The following CTIF variants were observed in gnomAD, a reference collection of about 807,000 sequenced individuals.
CTIF encodes cap binding complex dependent translation initiation factor, also known as CBP80/20-dependent translation initiation factor.
Under a neutral mutation model 66.0 loss-of-function variants are expected in CTIF, and 21 were observed. The observed-to-expected ratio is 0.32, with a 90% confidence interval of 0.23 to 0.46. The LOEUF (loss-of-function observed/expected upper bound fraction) is 0.46, where lower values mean the gene tolerates loss of function less well. CTIF is among the 20% of genes least tolerant of loss of function. The pLI is 1.00. For missense variants in CTIF, 739 were observed against 812.7 expected, an observed-to-expected ratio of 0.91 and a Z score of 1.10; for synonymous variants, 345 against 326.4, an observed-to-expected ratio of 1.06 and a Z score of -0.62.
intron 3 of CTIF, among the ~76,000 whole-genome samples, chr18:48,641,662 C>T (rs1206052241): frequency 6.6e-6 from 1 of 152,246 alleles, no homozygotes; most frequent in East Asian, 1.9e-4. Flanking sequence ...CCAGGAGTGA[C>T]ACTGGCTCCA....
chr18:48,723,543 T>A (rs2092360429), intron 7 of CTIF, among the ~76,000 whole-genome samples: 4 of 152,182 alleles, frequency 2.6e-5, no homozygotes, highest in Admixed American at 2.0e-4. Flanking sequence ...CCCCACTCGA[T>A]GAGCACCCAG....
intron 9 of CTIF, among the ~76,000 whole-genome samples, chr18:48,807,861 C>T (rs890056348): frequency 6.6e-6 from 1 of 152,142 alleles, no homozygotes; most frequent in African/African-American, 2.4e-5. Flanking sequence ...GGATTACAGA[C>T]GTGAGCTACT....
chr18:48,587,158 C>T (rs549134148), intron 1 of CTIF, among the ~76,000 whole-genome samples: 1 of 151,518 alleles, frequency 6.6e-6, no homozygotes, highest in South Asian at 2.1e-4. Flanking sequence ...CTCAGCTCAC[C>T]ACAACCTCCA....
intron 1 of CTIF, among the ~76,000 whole-genome samples, chr18:48,594,586 C>A (rs528183414): frequency 7.2e-5 from 11 of 152,270 alleles, no homozygotes; most frequent in African/African-American, 2.6e-4. Flanking sequence ...TTCCAACCCT[C>A]CCTCCATCCC....
intron 10 of CTIF, among the ~76,000 whole-genome samples, chr18:48,841,487 A>G (rs578169466): frequency 6.6e-6 from 1 of 152,298 alleles, no homozygotes; most frequent in Non-Finnish European, 1.5e-5. Context: ...AGGGAAGCTT[A>G]CCCAGAGGAG....
At chr18:48,590,304 C>T (rs1200842256) in intron 1 of CTIF, among the ~76,000 whole-genome samples, 1 of 152,026 alleles carries the variant, frequency 6.6e-6, no homozygotes, top group African/African-American at 2.4e-5. Context: ...ACAGCAGGGC[C>T]TGCTGTGCAG....
At chr18:48,584,952 A>G (rs2089734778) in intron 1 of CTIF, among the ~76,000 whole-genome samples, 1 of 152,228 alleles carries the variant, frequency 6.6e-6, no homozygotes, top group Non-Finnish European at 1.5e-5. Context: ...AGATCCAAGT[A>G]AAGGTGATTT....
intron 9 of CTIF, among the ~76,000 whole-genome samples, chr18:48,801,885 A>G (rs1452076910): frequency 2.0e-5 from 3 of 152,240 alleles, no homozygotes; most frequent in Non-Finnish European, 4.4e-5. Flanking sequence ...AAGCTGGATA[A>G]GCTGAATTCT....
rs115846274 is a variant in CTIF at position 48,709,927 on chromosome 18, A to G, written c.508-1692A>G. 7.1e-3 allele frequency among the ~76,000 whole-genome samples: 1,080 copies of G among 152,294 alleles called. 13 individuals carry two copies. Among genetic ancestry groups the G allele is most frequent in the African/African-American group, 0.025 (1,038 of 41,562 alleles). On this transcript the variant is annotated intron_variant, in intron 6 of 11. Coordinates refer to ENST00000256413, the MANE Select transcript of CTIF (RefSeq NM_014772.3). Reference sequence around the variant, plus strand: ...GAGGAAAGGATTGTTATTAAAATGTATTTTGAAATGTGTTGCTCCCTCCCT... The same window carrying G: ...GAGGAAAGGATTGTTATTAAAATGTGTTTTGAAATGTGTTGCTCCCTCCCT...
chr18:48,688,185 G>A (rs1363315643), intron 6 of CTIF: 1 of 152,296 alleles, frequency 6.6e-6, no homozygotes, highest in Non-Finnish European at 1.5e-5. Flanking sequence ...GCACGGTTTT[G>A]TCAGCTGCTC....
chr18:48,789,570 G>A (rs2067747426), intron 9 of CTIF, among the ~76,000 whole-genome samples: 1 of 152,180 alleles, frequency 6.6e-6, no homozygotes, highest in East Asian at 1.9e-4. Flanking sequence ...ACAGTCAAGT[G>A]TAGATCAGTG....
chr18:48,795,235 G>A (rs1253239825), intron 9 of CTIF, among the ~76,000 whole-genome samples: 1 of 152,148 alleles, frequency 6.6e-6, no homozygotes, highest in African/African-American at 2.4e-5. Context: ...CATGGAGGCT[G>A]TCATTTCAAG....
At chr18:48,724,481 G>A (rs973114945) in intron 7 of CTIF, among the ~76,000 whole-genome samples, 2 of 152,100 alleles carry the variant, frequency 1.3e-5, no homozygotes, top group African/African-American at 4.8e-5. Context: ...ACCAGCCCCT[G>A]TACCTCAGTC....
At chr18:48,687,877 C>A (rs1196108466) in intron 6 of CTIF, among the ~76,000 whole-genome samples, 1 of 152,186 alleles carries the variant, frequency 6.6e-6, no homozygotes, top group Non-Finnish European at 1.5e-5. Flanking sequence ...TGGCCCCCAC[C>A]CCCAGTGGTA....
intron 6 of CTIF, among the ~76,000 whole-genome samples, chr18:48,709,320 G>T (rs2092197158): frequency 6.6e-6 from 1 of 152,220 alleles, no homozygotes; most frequent in African/African-American, 2.4e-5. Context: ...GGACACAGGG[G>T]ACCTAACAGT....
intron 2 of CTIF, among the ~76,000 whole-genome samples, chr18:48,632,869 C>T (rs553907380): frequency 6.6e-6 from 1 of 152,244 alleles, no homozygotes; most frequent in East Asian, 1.9e-4. Context: ...TTGAGGGCCC[C>T]ACACAGAAGG....
chr18:48,841,677 A>AGGCAGGCG (rs75565301), intron 10 of CTIF, among the ~76,000 whole-genome samples: 13 of 151,812 alleles, frequency 8.6e-5, no homozygotes, highest in African/African-American at 3.1e-4. Context: ...GCTGGTGGGC[A>AGGCAGGCG]GGCAGGCGGG....
chr18:48,826,856 TA>T (rs1473504131), intron 10 of CTIF: 1 of 152,216 alleles, frequency 6.6e-6, no homozygotes, highest in Non-Finnish European at 1.5e-5. Context: ...CTCCTGAAAT[TA>T]AGCAGCCATG....
chr18:48,707,229 T>C (rs1354396930), intron 6 of CTIF, among the ~76,000 whole-genome samples: 1 of 152,246 alleles, frequency 6.6e-6, no homozygotes, highest in Non-Finnish European at 1.5e-5. Flanking sequence ...GTATGTGCTT[T>C]TAAAGGATAC....
Sources: gnomAD v4.1 joint callset for allele counts (sites outside exome capture counted in the v4.1 genomes callset) on GRCh38, gnomAD v4.1.1 for gene constraint, MANE v1.5 for transcripts, NCBI Gene and HGNC (gene_info 2026-07-23, HGNC 2026-07-21) for gene names.